The following TNXB variants were observed in gnomAD, a reference collection of about 807,000 sequenced individuals.
TNXB encodes the protein tenascin-X.
A neutral mutation model predicts 340.5 loss-of-function variants in TNXB; 183 were observed. That is an observed-to-expected ratio of 0.54 (90% CI 0.48 to 0.61). The LOEUF (loss-of-function observed/expected upper bound fraction) is 0.61, where lower values mean the gene tolerates loss of function less well. TNXB is among the 20% of genes least tolerant of loss of function. The pLI is 0.00. For synonymous variants in TNXB, 2,121 were observed against 2,314.5 expected, an observed-to-expected ratio of 0.92 and a Z score of 2.40; for missense variants, 4,613 against 5,446.4, an observed-to-expected ratio of 0.85 and a Z score of 4.82.
Position 32,082,940 on chromosome 6 carries a change from T to C in TNXB, c.3446-614A>G, listed in dbSNP as rs1050121010. ...TCCTCACCCCCACTCTGTGTGCATCTCTCTCTAGCCTCCATCTTCCCTCTT... is the reference window on the plus strand; with the variant it reads ...TCCTCACCCCCACTCTGTGTGCATCCCTCTCTAGCCTCCATCTTCCCTCTT... On this transcript the variant is annotated intron_variant, in intron 8 of 43. Transcript: ENST00000644971. The surrounding 1 kb of genome is among the most constrained non-coding windows in gnomAD (Gnocchi z 5.0). 1.3e-5 allele frequency among the ~76,000 whole-genome samples: 2 copies of C among 152,064 alleles called. No individual in the cohort carries two copies. Among genetic ancestry groups the C allele is most frequent in the African/African-American group, 2.4e-5 (1 of 41,402 alleles).
Position 32,046,478 on chromosome 6 carries a change from A to G in TNXB, c.10325-22T>C, listed in dbSNP as rs1776893690. ...GGAGCTGTGCAGAGGGAGGAGGGAA[A>G]GCTCTTAGTCACATGCTGCCTTTGC... On this transcript the variant is annotated intron_variant, in intron 30 of 43. Transcript: ENST00000644971. The surrounding 1 kb of genome is among the most constrained non-coding windows in gnomAD (Gnocchi z 6.9). The G allele has an allele frequency of 1.3e-6, 2 of 1,543,082 alleles. No individual in the cohort carries two copies. The highest frequency in any genetic ancestry group is 1.8e-5 in the Admixed American group (1 of 54,162).
chr6:32,068,220 G>C lies in TNXB; in HGVS notation c.6220+170C>G, dbSNP rs1778514256. Among the ~76,000 whole-genome samples, 1 of 152,172 alleles carries C rather than the reference G, an allele frequency of 6.6e-6. No individual in the cohort carries two copies. The highest frequency in any genetic ancestry group is 2.1e-4 in the South Asian group (1 of 4,826). The stretch of plus-strand genomic sequence containing the variant: ...CCCGATGGCCCCTCTCTGTTCAGGA[G>C]GAGCCAGTGGTCAACCTCACAGGAA... On this transcript the variant is annotated intron_variant, in intron 17 of 43. Transcript: ENST00000644971. The surrounding 1 kb of genome is among the most constrained non-coding windows in gnomAD (Gnocchi z 5.3).
In TNXB at chr6:32,043,571, G is replaced by A; in HGVS notation, c.11531-15C>T. 9.4e-7 allele frequency: 1 copy of A among 1,069,324 alleles called. No individual in the cohort carries two copies. Among genetic ancestry groups the A allele is most frequent in the Non-Finnish European group, 1.4e-6 (1 of 716,612 alleles). 66.2% of individuals were successfully genotyped at this position (1,069,324 alleles called of 1,614,324 possible). A position where few individuals can be genotyped will look rare whatever the true frequency, so the allele number is the denominator to read the frequency against. ...ACCGTCAGGAACTGGGGGAAGGGGA[G>A]GGGCTCAGAAGGGTCCCCGCGGCTC... is the stretch of plus-strand genomic sequence containing the variant. On this transcript the variant is annotated splice_polypyrimidine_tract_variant and intron_variant, in intron 35 of 43. Transcript: ENST00000644971.
In TNXB at chr6:32,088,807, TG is replaced by T; in HGVS notation, c.2756del (p.Pro919GlnfsTer48). 6.3e-7 allele frequency: 1 copy of T among 1,576,898 alleles called. No homozygotes were observed. Among genetic ancestry groups the T allele is most frequent in the Non-Finnish European group, 8.6e-7 (1 of 1,162,160 alleles). ...TAERGRAVSY[P>X]ASVRANTGSS... ...TACCTGTGTTGGCCCTGACAGAAGC[TG>T]GGTAGCTGACTGCCCGGCCCCGCTC... is the stretch of plus-strand genomic sequence containing the variant. On this transcript the variant is annotated frameshift_variant, in exon 6 of 44. Coordinates refer to ENST00000644971, the MANE Select transcript of TNXB (RefSeq NM_001365276.2). LOFTEE classifies it high-confidence loss of function.
rs1411586728 is a variant in TNXB, at chr6:32,067,529, T to G, written c.6544+132A>C. On this transcript the variant is annotated intron_variant, in intron 18 of 43. Transcript: ENST00000644971. This position sits in a 1 kb window ranked among gnomAD's most constrained non-coding sequence, Gnocchi z 4.2. ...GCTCTCTCTGTCCCCAGATCACACC[T>G]GTCCTGAGCCTTTAGTGAACAGGGT... The G allele has an allele frequency of 7.8e-7, 1 of 1,276,706 alleles. No homozygotes were observed. The highest frequency in any genetic ancestry group is 1.0e-6 in the Non-Finnish European group (1 of 955,620). 79.1% of individuals were successfully genotyped at this position (1,276,706 alleles called of 1,614,324 possible).
chr6:32,103,263 AT>A (rs1450112222), intron 1 of TNXB, among the ~76,000 whole-genome samples: 1 of 151,676 alleles, frequency 6.6e-6, no homozygotes, highest in Non-Finnish European at 1.5e-5. Flanking sequence ...TCTACTAAAA[AT>A]AAAAAATAAA....
intron 1 of TNXB, among the ~76,000 whole-genome samples, chr6:32,106,713 T>C (rs1304664820): frequency 2.6e-5 from 4 of 152,152 alleles, no homozygotes; most frequent in Non-Finnish European, 5.9e-5. Flanking sequence ...TACAGAGAGC[T>C]GCCCTTTCCT....
chr6:32,047,029 G>A lies in TNXB; in HGVS notation c.10325-573C>T, dbSNP rs144026078. 4.7e-3 allele frequency among the ~76,000 whole-genome samples: 710 copies of A among 152,354 alleles called. 8 individuals carry two copies. Among genetic ancestry groups the A allele is most frequent in the African/African-American group, 0.016 (669 of 41,588 alleles). On this transcript the variant is annotated intron_variant, in intron 30 of 43. Transcript: ENST00000644971. The surrounding 1 kb of genome is among the most constrained non-coding windows in gnomAD (Gnocchi z 6.2). The stretch of plus-strand genomic sequence containing the variant: ...CGGGGCAGCCAGGGTGGGGCAGGGA[G>A]AAGACAGGGGATTAGCTGGGAGAAC...
At chr6:32,076,169 C>G (rs1485793520) in intron 11 of TNXB, among the ~76,000 whole-genome samples, 1 of 152,206 alleles carries the variant, frequency 6.6e-6, no homozygotes, top group Non-Finnish European at 1.5e-5. Flanking sequence ...GCACTTCTTT[C>G]CATGAGGGAA....
At chr6:32,099,891 G>A (rs1474219827) in intron 1 of TNXB, among the ~76,000 whole-genome samples, 1 of 147,578 alleles carries the variant, frequency 6.8e-6, no homozygotes, top group Non-Finnish European at 1.5e-5. Flanking sequence ...GCAGTTAAGA[G>A]GAGAAAGGAT....
In TNXB at chr6:32,058,414, C is replaced by A; in HGVS notation, c.7493-24G>T. The A allele has an allele frequency of 6.4e-7, 1 of 1,555,180 alleles. No individual in the cohort carries two copies. Among genetic ancestry groups the A allele is most frequent in the East Asian group, 2.3e-5 (1 of 44,186 alleles). ...GGCTGAAAGGTAATATAGGGGGATA[C>A]AGAGTTTAAGGGTTTAAGGGCAACT... On this transcript the variant is annotated intron_variant, in intron 21 of 43. Transcript: ENST00000644971. This position sits in a 1 kb window ranked among gnomAD's most constrained non-coding sequence, Gnocchi z 5.1.
rs1779330177 is a variant in TNXB at position 32,079,725 on chromosome 6, C to G, written c.4043-360G>C. Among the ~76,000 whole-genome samples the G allele has an allele frequency of 6.6e-6, 1 of 152,198 alleles. No individual in the cohort carries two copies. The highest frequency in any genetic ancestry group is 1.5e-5 in the Non-Finnish European group (1 of 68,022). On this transcript the variant is annotated intron_variant, in intron 10 of 43. Coordinates refer to ENST00000644971, the MANE Select transcript of TNXB (RefSeq NM_001365276.2). The surrounding 1 kb of genome is among the most constrained non-coding windows in gnomAD (Gnocchi z 7.1). ...CCCAGGGCACTCTGGCTGCCCCACC[C>G]CTCATATGAGGATCTGACCATGGAA... is the stretch of plus-strand genomic sequence containing the variant.
Position 32,087,475 on chromosome 6 carries a change from G to T in TNXB, c.2779+1310C>A, listed in dbSNP as rs778269745. The T allele has an allele frequency of 6.1e-6, 3 of 490,712 alleles. No individual in the cohort carries two copies. The highest frequency in any genetic ancestry group is 4.0e-6 in the Non-Finnish European group (1 of 247,428). 30.4% of individuals were successfully genotyped at this position (490,712 alleles called of 1,614,324 possible). A position where few individuals can be genotyped will look rare whatever the true frequency, so the allele number is the denominator to read the frequency against. On this transcript the variant is annotated intron_variant, in intron 6 of 43. Transcript: ENST00000644971. This position sits in a 1 kb window ranked among gnomAD's most constrained non-coding sequence, Gnocchi z 9.0. ...GAGCCCGTCGAGAGACACGAGAAGC[G>T]CGCCATCGGCGGAACTGCCCAGCAC...
Position 32,064,479 on chromosome 6 carries a change from G to C in TNXB, c.6841+342C>G, listed in dbSNP as rs1489256616. Among the ~76,000 whole-genome samples the C allele has an allele frequency of 6.6e-6, 1 of 152,192 alleles. No homozygotes were observed. The highest frequency in any genetic ancestry group is 6.5e-5 in the Admixed American group (1 of 15,274). ...TCTGCCCCCTTCGGCCTCCCAAAGTGCTGGGATTACAGGCATGAGCCACCG... is the reference window on the plus strand; with the variant it reads ...TCTGCCCCCTTCGGCCTCCCAAAGTCCTGGGATTACAGGCATGAGCCACCG... On this transcript the variant is annotated intron_variant, in intron 19 of 43. Coordinates refer to ENST00000644971, the MANE Select transcript of TNXB (RefSeq NM_001365276.2). The surrounding 1 kb of genome is among the most constrained non-coding windows in gnomAD (Gnocchi z 5.3).
At position 32,097,588 on chromosome 6, in the gene TNXB, T is replaced by G; in HGVS notation, c.404-139A>C. 8.5e-7 allele frequency: 1 copy of G among 1,172,648 alleles called. No individual in the cohort carries two copies. The highest frequency in any genetic ancestry group is 1.2e-6 in the Non-Finnish European group (1 of 854,502). 72.6% of individuals were successfully genotyped at this position (1,172,648 alleles called of 1,614,324 possible). On this transcript the variant is annotated intron_variant, in intron 2 of 43. Coordinates refer to ENST00000644971, the MANE Select transcript of TNXB (RefSeq NM_001365276.2). The surrounding 1 kb of genome is among the most constrained non-coding windows in gnomAD (Gnocchi z 5.9). ...ATGTCTGCTCCCAGTTGCTAGTATG[T>G]GTAATGTATGCAGCCTCTCAGGGCC... is the stretch of plus-strand genomic sequence containing the variant.
Position 32,046,235 on chromosome 6 carries a change from G to A in TNXB, c.10546C>T (p.Leu3516=). The A allele has an allele frequency of 6.2e-7, 1 of 1,604,386 alleles. No homozygotes were observed. Among genetic ancestry groups the A allele is most frequent in the Non-Finnish European group, 8.5e-7 (1 of 1,176,828 alleles). Residue 3516 remains leucine (L), a synonymous_variant, in exon 31 of 44, where the codon CTG becomes TTG. Coordinates refer to ENST00000644971, the MANE Select transcript of TNXB (RefSeq NM_001365276.2). The surrounding 1 kb of genome is among the most constrained non-coding windows in gnomAD (Gnocchi z 6.9). The part of the protein sequence containing the change: ...DLEPGKKYKF[L]LYGLLGGKRL... Reference sequence around the variant, plus strand: ...TTTCCCCCAAGGAGCCCGTAGAGCAGAAACTTGTATTTCTTGCCAGGCTCC... The same window carrying A: ...TTTCCCCCAAGGAGCCCGTAGAGCAAAAACTTGTATTTCTTGCCAGGCTCC...
chr6:32,093,357 A>G (rs1554333645), intron 4 of TNXB: 1 of 700,692 alleles, frequency 1.4e-6, no homozygotes, highest in Non-Finnish European at 2.6e-6. Flanking sequence ...TTTAAACAGA[A>G]GAAAAAATTC....
In TNXB at chr6:32,061,656, C is replaced by T; in HGVS notation, c.7233G>A (p.Glu2411=). Residue 2411 remains glutamate (E), a synonymous_variant, in exon 21 of 44, where the codon GAG becomes GAA. Coordinates refer to ENST00000644971, the MANE Select transcript of TNXB (RefSeq NM_001365276.2). This position sits in a 1 kb window ranked among gnomAD's most constrained non-coding sequence, Gnocchi z 4.4. ...PSMEAPEPPE[E]PLLGELTVTG... ...TCACTGTTAGCTCCCCCAGGAGCGG[C>T]TCCTCAGGGGGCTCCGGGGCCTCCA... 1 of 1,612,762 alleles carries T rather than the reference C, an allele frequency of 6.2e-7. No individual in the cohort carries two copies. Among genetic ancestry groups the T allele is most frequent in the Non-Finnish European group, 8.5e-7 (1 of 1,179,836 alleles).
intron 24 of TNXB, among the ~76,000 whole-genome samples, chr6:32,055,380 A>G (rs1777563195): frequency 6.6e-6 from 1 of 152,212 alleles, no homozygotes; most frequent in Non-Finnish European, 1.5e-5. Context: ...CAGGGCAAGG[A>G]ATTCTTTGCT....
Sources: gnomAD v4.1 joint callset for allele counts (sites outside exome capture counted in the v4.1 genomes callset) on GRCh38, gnomAD v4.1.1 for gene constraint, Gnocchi (gnomAD v3.1) non-coding constraint, MANE v1.5 for transcripts, NCBI Gene and HGNC (gene_info 2026-07-23, HGNC 2026-07-21) for gene names.